Variants in SND1 observed in about 807,000 individuals in gnomAD.
SND1 encodes the protein staphylococcal nuclease domain-containing protein 1.
In SND1, 38 loss-of-function variants were observed where a neutral mutation model predicts 121.7. That is an observed-to-expected ratio of 0.31 (90% CI 0.24 to 0.41). The LOEUF is 0.41. SND1 is among the 10% of genes least tolerant of loss of function. The probability of loss-of-function intolerance (pLI) is 1.00; values close to 1 mark genes in which losing one functional copy is unlikely to be tolerated. For synonymous variants in SND1, 401 were observed against 447.4 expected, an observed-to-expected ratio of 0.90 and a Z score of 1.31; for missense variants, 868 against 1,184.6, an observed-to-expected ratio of 0.73 and a Z score of 3.92.
At position 128,087,666 on chromosome 7, in the gene SND1, GGAGT is replaced by G. The variant is rs552019622; in HGVS notation, c.2418+619_2418+622del. On this transcript the variant is annotated intron_variant, in intron 21 of 23. Transcript: ENST00000354725. Reference sequence around the variant, plus strand: ...AGGCAGCCTTACAGTTTTCAGTTGGGGAGTGAGATGAGACCTGGAATTTATGGGT... The same window carrying G: ...AGGCAGCCTTACAGTTTTCAGTTGGGGAGATGAGACCTGGAATTTATGGGT... Among the ~76,000 whole-genome samples the G allele has an allele frequency of 1.6e-3, 239 of 152,288 alleles. 1 individual carries two copies. Among genetic ancestry groups the G allele is most frequent in the African/African-American group, 4.6e-3 (192 of 41,564 alleles).
chr7:127,681,570 A>G (rs1795728499), intron 1 of SND1, among the ~76,000 whole-genome samples: 1 of 152,214 alleles, frequency 6.6e-6, no homozygotes, highest in Non-Finnish European at 1.5e-5. Flanking sequence ...ATGCAAGGCC[A>G]TGTAGATTTA....
rs1172475794 is a variant in SND1 at position 127,898,985 on chromosome 7, A to G, written c.1455-5762A>G. On this transcript the variant is annotated intron_variant, in intron 13 of 23. Transcript: ENST00000354725. ...TTTTTTGCCCTACAGTCACTTTGGC[A>G]TTGTCACTGTCTCCAATTTGAAATA... Among the ~76,000 whole-genome samples, 6 of 152,140 alleles carry G rather than the reference A, an allele frequency of 3.9e-5. No individual in the cohort carries two copies. In the East Asian group the frequency reaches 9.6e-4, roughly 24 times the overall value.
chr7:128,041,108 A>G (rs574019082), intron 16 of SND1, among the ~76,000 whole-genome samples: 5 of 152,128 alleles, frequency 3.3e-5, no homozygotes, highest in African/African-American at 1.2e-4. Flanking sequence ...ACCCCTTCCC[A>G]TCTTTGAGCA....
At chr7:127,744,968 T>G (rs1219320294) in intron 10 of SND1, among the ~76,000 whole-genome samples, 1 of 152,254 alleles carries the variant, frequency 6.6e-6, no homozygotes, top group Non-Finnish European at 1.5e-5. Context: ...GGTTTCCCTT[T>G]TAAAACTTCT....
At position 127,652,237 on chromosome 7, in the gene SND1, C is replaced by A; in HGVS notation, c.-137C>A. The A allele has an allele frequency of 1.3e-6, 1 of 748,188 alleles. No individual in the cohort carries two copies. The highest frequency in any genetic ancestry group is 2.7e-5 in the East Asian group (1 of 36,860). The allele number at this position is 748,188 out of a possible 1,614,324, so 46.3% of individuals were successfully genotyped here. On this transcript the variant is annotated 5_prime_UTR_variant, in exon 1 of 24. Transcript: ENST00000354725. ...CGCTGCTGCTCCTGTGAGCGCCCGG[C>A]GAGTCCGTCCCGTCCACCGTCCGCA... is the stretch of plus-strand genomic sequence containing the variant.
At position 127,842,704 on chromosome 7, in the gene SND1, A is replaced by G. The variant is rs115655508; in HGVS notation, c.1243-1620A>G. 4.9e-3 allele frequency among the ~76,000 whole-genome samples: 740 copies of G among 151,852 alleles called. 7 individuals carry two copies. Among genetic ancestry groups the G allele is most frequent in the African/African-American group, 0.017 (691 of 41,386 alleles). On this transcript the variant is annotated intron_variant, in intron 11 of 23. Transcript: ENST00000354725. ...TTTATATTTTTTATTTTTCAGAGAG[A>G]TGGGGGTCTTGCTTTGTTTCCCAGA...
intron 8 of SND1, among the ~76,000 whole-genome samples, chr7:127,706,054 A>G (rs1168019759): frequency 6.6e-6 from 1 of 152,130 alleles, no homozygotes; most frequent in East Asian, 1.9e-4. Context: ...AAGAACAGTG[A>G]TTGCTTAGAA....
chr7:127,954,084 C>T (rs996667732), intron 15 of SND1, among the ~76,000 whole-genome samples: 12 of 152,250 alleles, frequency 7.9e-5, no homozygotes, highest in Non-Finnish European at 1.3e-4. Context: ...CTGATTGATG[C>T]GGACTGGACA....
chr7:128,066,041 A>G (rs1793307565), intron 16 of SND1, among the ~76,000 whole-genome samples: 1 of 152,226 alleles, frequency 6.6e-6, no homozygotes, highest in Non-Finnish European at 1.5e-5. Context: ...AAAGGAACAG[A>G]TTGCGTCAGT....
At chr7:127,944,490 G>A (rs912020175) in intron 15 of SND1, among the ~76,000 whole-genome samples, 7 of 152,150 alleles carry the variant, frequency 4.6e-5, no homozygotes, top group African/African-American at 1.7e-4. Flanking sequence ...GAGGAGGGTG[G>A]CTGAATGGAG....
In SND1 at chr7:128,028,598, A is replaced by G; in HGVS notation, c.1779+37542A>G. ...TTAATATATAAGCATATACAAGAAAAAGTCTCTCCCCACTCTGTACAAAAG... is the reference window on the plus strand; with the variant it reads ...TTAATATATAAGCATATACAAGAAAGAGTCTCTCCCCACTCTGTACAAAAG... On this transcript the variant is annotated intron_variant, in intron 16 of 23. Transcript: ENST00000354725. The G allele has an allele frequency of 3.0e-6, 4 of 1,322,872 alleles. No individual in the cohort carries two copies. In the South Asian group the frequency reaches 5.7e-5, roughly 19 times the overall value. The allele number at this position is 1,322,872 out of a possible 1,614,324, so 81.9% of individuals were successfully genotyped here. A position where few individuals can be genotyped will look rare whatever the true frequency, so the allele number is the denominator to read the frequency against.
At chr7:127,796,608 T>C (rs1798031871) in intron 10 of SND1, among the ~76,000 whole-genome samples, 1 of 152,206 alleles carries the variant, frequency 6.6e-6, no homozygotes. Flanking sequence ...TAACTTTGGC[T>C]TATCTCGTCT....
rs368884005 is a variant in SND1, at chr7:127,745,602, G to A, written c.1152+24202G>A. Among the ~76,000 whole-genome samples, 25 of 152,288 alleles carry A rather than the reference G, an allele frequency of 1.6e-4. No homozygotes were observed. The East Asian group carries it at 2.3e-3, about 14-fold the overall frequency. ...GCCATCAGTGACTAATGATGATAGC[G>A]AGACACCTTGTTAGCACCAGGGGAA... On this transcript the variant is annotated intron_variant, in intron 10 of 23. Transcript: ENST00000354725.
Position 127,728,931 on chromosome 7 carries a change from A to T in SND1, c.1152+7531A>T, listed in dbSNP as rs78026819. 5.8e-3 allele frequency among the ~76,000 whole-genome samples: 880 copies of T among 151,264 alleles called. 12 individuals are homozygous for T. Among genetic ancestry groups the T allele is most frequent in the African/African-American group, 0.02 (838 of 41,150 alleles). On this transcript the variant is annotated intron_variant, in intron 10 of 23. Coordinates refer to ENST00000354725, the MANE Select transcript of SND1 (RefSeq NM_014390.4). ...CACTCCTGTTTTTTACTGCTTCCTA[A>T]TTGGATTGCTTGTTTTGCTGGCTAG...
chr7:128,045,902 CTTT>C (rs1792937447), intron 16 of SND1, among the ~76,000 whole-genome samples: 1 of 152,298 alleles, frequency 6.6e-6, no homozygotes, highest in East Asian at 1.9e-4. Flanking sequence ...TGTTTTGTGC[CTTT>C]TTAAAAGTTT....
chr7:127,685,138 T>C (rs1294842790), intron 1 of SND1, among the ~76,000 whole-genome samples: 2 of 152,198 alleles, frequency 1.3e-5, no homozygotes, highest in Non-Finnish European at 2.9e-5. Context: ...TCAGATGTTT[T>C]ACTTTTCTTA....
chr7:127,756,985 T>C (rs1332277122), intron 10 of SND1, among the ~76,000 whole-genome samples: 8 of 152,216 alleles, frequency 5.3e-5, no homozygotes, highest in Admixed American at 5.2e-4. Flanking sequence ...ATCTTAAATG[T>C]AAATATATGT....
At chr7:127,732,252 T>C (rs1796691706) in intron 10 of SND1, among the ~76,000 whole-genome samples, 2 of 152,248 alleles carry the variant, frequency 1.3e-5, no homozygotes, top group Admixed American at 1.3e-4. Flanking sequence ...TTAGTTGTCA[T>C]CTGGATTTCT....
chr7:127,737,954 A>G (rs1796807659), intron 10 of SND1, among the ~76,000 whole-genome samples: 2 of 152,190 alleles, frequency 1.3e-5, no homozygotes, highest in South Asian at 2.1e-4. Context: ...TCACTCAACA[A>G]TTGAGCTGCT....
Sources: allele counts gnomAD v4.1 joint callset (sites outside exome capture counted in the v4.1 genomes callset), GRCh38; gene constraint gnomAD v4.1.1; transcripts MANE v1.5; gene names NCBI Gene and HGNC (gene_info 2026-07-23, HGNC 2026-07-21).